NAB1: variants seen among roughly 807,000 people sequenced by gnomAD.
NAB1 encodes the protein NGFI-A binding protein 1.
In NAB1, 25 loss-of-function variants were observed where a neutral mutation model predicts 49.9. The observed-to-expected ratio is 0.50, with a 90% CI of 0.37 to 0.70. NAB1 has a LOEUF of 0.70. NAB1 is among the 30% of genes least tolerant of loss of function. The pLI, the probability that NAB1 is intolerant of heterozygous loss-of-function variation, is 0.00. For missense variants in NAB1, 489 were observed against 575.9 expected (o/e 0.85, Z 1.54); for synonymous variants, 198 against 215.6 (o/e 0.92, Z 0.71).
Position 190,659,785 on chromosome 2 carries a change from G to A in NAB1, c.609G>A (p.Val203=), listed in dbSNP as rs761837466. 9.3e-6 allele frequency: 15 copies of A among 1,614,122 alleles called. No homozygotes were observed. The East Asian group carries it at 2.9e-4, about 31-fold the overall frequency. ...CTGCGCTCTCTGTGGCTGAGTGTGT[G>A]GAGCGGATGGCCCCCACACTGCCAA... The part of the protein sequence containing the change: ...AAAALSVAEC[V]ERMAPTLPKS... Residue 203 remains valine, a synonymous_variant, in exon 4 of 10, where the codon GTG becomes GTA. Coordinates refer to ENST00000337386, the MANE Select transcript of NAB1 (RefSeq NM_005966.4). The surrounding 1 kb of genome is among the most constrained non-coding windows in gnomAD (Gnocchi z 6.2).
rs1454699754 is a variant in NAB1, at chr2:190,682,685, T to A, written c.1006-1053T>A. Among the ~76,000 whole-genome samples the A allele has an allele frequency of 2.0e-5, 3 of 152,158 alleles. No individual in the cohort carries two copies. ...ATTTCTCTAAACTTTATAGCAACAG[T>A]TGAAATCACAAAATAAAAGTATGTA... On this transcript the variant is annotated intron_variant, in intron 6 of 9. Transcript: ENST00000337386. The surrounding 1 kb of genome is among the most constrained non-coding windows in gnomAD (Gnocchi z 4.1).
intron 2 of NAB1, among the ~76,000 whole-genome samples, chr2:190,650,255 G>C (rs976633877): frequency 2.6e-5 from 4 of 152,182 alleles, no homozygotes; most frequent in African/African-American, 9.7e-5. Context: ...AAAATTTTGG[G>C]ATGGCTGTTA....
At chr2:190,656,211 G>A (rs993729725) in intron 3 of NAB1, 58 bp downstream of exon 3, 1 of 152,202 alleles carries the variant, frequency 6.6e-6, no homozygotes, top group Non-Finnish European at 1.5e-5. Flanking sequence ...TGTATATAAC[G>A]TGTTAAGGAC....
chr2:190,664,526 T>TTTCCTTCCTTCCTTCCTTCC (rs112074461), intron 4 of NAB1, among the ~76,000 whole-genome samples: 1 of 127,564 alleles, frequency 7.8e-6, no homozygotes. Context: ...TCTTTTCTTT[T>TTTCCTTCCTTCCTTCCTTCC]TTCCTTCCTT....
rs904871076 is a variant in NAB1, at chr2:190,657,042, C to CT, written c.-20+898dup. Among the ~76,000 whole-genome samples, 3 of 151,726 alleles carry CT rather than the reference C, an allele frequency of 2.0e-5. No homozygotes were observed. Among genetic ancestry groups the CT allele is most frequent in the Non-Finnish European group, 2.9e-5 (2 of 67,926 alleles). ...TATGTATATACACATTACACATGTACTTTTTTTTTCTGTATTGCGTTGAAA... is the reference window on the plus strand; with the variant it reads ...TATGTATATACACATTACACATGTACTTTTTTTTTTCTGTATTGCGTTGAAA... On this transcript the variant is annotated intron_variant, in intron 3 of 9. Transcript: ENST00000337386. This position sits in a 1 kb window ranked among gnomAD's most constrained non-coding sequence, Gnocchi z 4.4.
At position 190,663,712 on chromosome 2, in the gene NAB1, G is replaced by T. The variant is rs993481487; in HGVS notation, c.819+3717G>T. Among the ~76,000 whole-genome samples the T allele has an allele frequency of 6.6e-6, 1 of 152,082 alleles. No individual in the cohort carries two copies. Among genetic ancestry groups the T allele is most frequent in the Non-Finnish European group, 1.5e-5 (1 of 68,010 alleles). ...TGTTCTTATCTAACTTAATTTGGGT[G>T]CTTAGTTCATTAATTTTTAGTCATT... is the stretch of plus-strand genomic sequence containing the variant. On this transcript the variant is annotated intron_variant, in intron 4 of 9. Transcript: ENST00000337386. This position sits in a 1 kb window ranked among gnomAD's most constrained non-coding sequence, Gnocchi z 4.2.
In NAB1 at chr2:190,689,453, A is replaced by G. The variant is rs1695807626; in HGVS notation, c.1376-792A>G. On this transcript the variant is annotated intron_variant, in intron 9 of 9. Coordinates refer to ENST00000337386, the MANE Select transcript of NAB1 (RefSeq NM_005966.4). The surrounding 1 kb of genome is among the most constrained non-coding windows in gnomAD (Gnocchi z 4.3). ...ATAGAGAGGATTCATAAATTGAGCT[A>G]TTTAATTTCAGATAAGCTATTAGTA... Among the ~76,000 whole-genome samples the G allele has an allele frequency of 1.3e-5, 2 of 152,208 alleles. No individual in the cohort carries two copies. The highest frequency in any genetic ancestry group is 2.1e-4 in the South Asian group (1 of 4,832).
chr2:190,678,075 A>G lies in NAB1; in HGVS notation c.1005+4923A>G, dbSNP rs1695160767. Among the ~76,000 whole-genome samples the G allele has an allele frequency of 6.6e-6, 1 of 152,226 alleles. No homozygotes were observed. Among genetic ancestry groups the G allele is most frequent in the African/African-American group, 2.4e-5 (1 of 41,464 alleles). ...AAATTACAAAATATTTAAATATAAG[A>G]AATTTTCATTTGATATGCTGATTGT... On this transcript the variant is annotated intron_variant, in intron 6 of 9. Transcript: ENST00000337386. This position sits in a 1 kb window ranked among gnomAD's most constrained non-coding sequence, Gnocchi z 4.9.
intron 3 of NAB1, among the ~76,000 whole-genome samples, chr2:190,656,611 C>A (rs1258364195): frequency 6.6e-6 from 1 of 152,140 alleles, no homozygotes; most frequent in Admixed American, 6.5e-5. Flanking sequence ...CTTTCTTACC[C>A]ATGCAGAGGG....
rs1365054596 is a variant in NAB1 at position 190,678,966 on chromosome 2, A to C, written c.1006-4772A>C. 6.6e-6 allele frequency among the ~76,000 whole-genome samples: 1 copy of C among 152,236 alleles called. No homozygotes were observed. Among genetic ancestry groups the C allele is most frequent in the Non-Finnish European group, 1.5e-5 (1 of 68,036 alleles). On this transcript the variant is annotated intron_variant, in intron 6 of 9. Transcript: ENST00000337386. The surrounding 1 kb of genome is among the most constrained non-coding windows in gnomAD (Gnocchi z 4.9). ...TGTTCGGCAGAAAGGATGAGGAGGC[A>C]TGGGGATGGAGACCAATGGGATGAG...
rs776839538 is a variant in NAB1 at position 190,659,341 on chromosome 2, C to T, written c.165C>T (p.Leu55=). ...GEEEFLEIMA[L]VGMASKPLHV... Reference sequence around the variant, plus strand: ...AGGAGTTTTTGGAAATCATGGCACTCGTGGGCATGGCTAGCAAGCCCCTTC... The same window carrying T: ...AGGAGTTTTTGGAAATCATGGCACTTGTGGGCATGGCTAGCAAGCCCCTTC... The change falls in exon 4 of 10, where the codon CTC becomes CTT. Residue 55 remains leucine (L), a synonymous_variant. Transcript: ENST00000337386. This position sits in a 1 kb window ranked among gnomAD's most constrained non-coding sequence, Gnocchi z 6.2. 20 of 1,613,970 alleles carry T rather than the reference C, an allele frequency of 1.2e-5. No homozygotes were observed. Among genetic ancestry groups the T allele is most frequent in the Admixed American group, 1.7e-5 (1 of 60,002 alleles).
chr2:190,658,440 CAG>C (rs933497370), intron 3 of NAB1, among the ~76,000 whole-genome samples: 5 of 152,204 alleles, frequency 3.3e-5, no homozygotes, highest in African/African-American at 1.2e-4. Context: ...CCTTAAACCA[CAG>C]AGTGTCAATA....
rs184699078 is a variant in NAB1, at chr2:190,649,618, C to T, written c.-333-228C>T. On this transcript the variant is annotated intron_variant, in intron 1 of 9. Transcript: ENST00000337386. This position sits in a 1 kb window ranked among gnomAD's most constrained non-coding sequence, Gnocchi z 6.1. ...CGCGGCCCTGACTCGTGCATTTTCC[C>T]TCCGAGAAAGGTTGGGGTGCCGAGT... Among the ~76,000 whole-genome samples, 83 of 152,134 alleles carry T rather than the reference C, an allele frequency of 5.5e-4. 1 individual carries two copies. In the East Asian group the frequency reaches 0.015, roughly 28 times the overall value.
chr2:190,670,577 T>C lies in NAB1; in HGVS notation c.953+118T>C. The C allele has an allele frequency of 6.1e-6, 7 of 1,138,380 alleles. No individual in the cohort carries two copies. The highest frequency in any genetic ancestry group is 8.7e-6 in the Non-Finnish European group (7 of 806,312). 70.5% of individuals were successfully genotyped at this position (1,138,380 alleles called of 1,614,324 possible). ...AAAAGTGGAAGTATGATTATTGTTCTATGAAACTAAACAATGCAGTGATTT... is the reference window on the plus strand; with the variant it reads ...AAAAGTGGAAGTATGATTATTGTTCCATGAAACTAAACAATGCAGTGATTT... On this transcript the variant is annotated intron_variant, in intron 5 of 9. Transcript: ENST00000337386. This position sits in a 1 kb window ranked among gnomAD's most constrained non-coding sequence, Gnocchi z 5.3.
chr2:190,681,673 G>C (rs1695352641), intron 6 of NAB1, among the ~76,000 whole-genome samples: 1 of 152,122 alleles, frequency 6.6e-6, no homozygotes, highest in South Asian at 2.1e-4. Flanking sequence ...ATTAGCTCTT[G>C]GCTCTATATC....
intron 5 of NAB1, among the ~76,000 whole-genome samples, chr2:190,672,714 G>A (rs1444203009): frequency 4.6e-5 from 7 of 151,658 alleles, no homozygotes; most frequent in African/African-American, 1.2e-4. Context: ...AGTGGCTCAC[G>A]CCTGTAATCC....
rs1047118558 is a variant in NAB1, at chr2:190,652,201, A to G, written c.-197+2219A>G. ...GCTAAAACATGCCATTAAGCTTTCA[A>G]AGAGTTTGTCATTTCTCAATACATT... is the stretch of plus-strand genomic sequence containing the variant. On this transcript the variant is annotated intron_variant, in intron 2 of 9. Coordinates refer to ENST00000337386, the MANE Select transcript of NAB1 (RefSeq NM_005966.4). This position sits in a 1 kb window ranked among gnomAD's most constrained non-coding sequence, Gnocchi z 4.2. Among the ~76,000 whole-genome samples, 3 of 152,214 alleles carry G rather than the reference A, an allele frequency of 2.0e-5. No individual in the cohort carries two copies. Among genetic ancestry groups the G allele is most frequent in the African/African-American group, 7.2e-5 (3 of 41,460 alleles).
rs1403809126 is a variant in NAB1 at position 190,677,621 on chromosome 2, G to C, written c.1005+4469G>C. 1 of 152,100 alleles carries C rather than the reference G, an allele frequency of 6.6e-6. No individual in the cohort carries two copies. The highest frequency in any genetic ancestry group is 2.4e-5 in the African/African-American group (1 of 41,416). The allele number at this position is 152,100 out of a possible 1,614,324, so 9.4% of individuals were successfully genotyped here. ...ATTGTAAAAATCGCTACTTTGTATT[G>C]CTTTTATTTTGTGTCAGTCCCTACT... On this transcript the variant is annotated intron_variant, in intron 6 of 9. Coordinates refer to ENST00000337386, the MANE Select transcript of NAB1 (RefSeq NM_005966.4). This position sits in a 1 kb window ranked among gnomAD's most constrained non-coding sequence, Gnocchi z 5.6.
In NAB1 at chr2:190,660,007, G is replaced by A. The variant is rs372366249; in HGVS notation, c.819+12G>A. The A allele has an allele frequency of 1.2e-4, 187 of 1,599,040 alleles. No individual in the cohort carries two copies. The highest frequency in any genetic ancestry group is 3.4e-4 in the African/African-American group (25 of 74,614). ...TCACACTTCATGAGGTACAAAGCCC[G>A]CGTTGTTCCTTCTGTGTGTGTATGT... On this transcript the variant is annotated intron_variant, in intron 4 of 9. Transcript: ENST00000337386.
Sources: allele counts gnomAD v4.1 joint callset (sites outside exome capture counted in the v4.1 genomes callset), GRCh38; gene constraint gnomAD v4.1.1; non-coding constraint Gnocchi (gnomAD v3.1); transcripts MANE v1.5; gene names NCBI Gene and HGNC (gene_info 2026-07-23, HGNC 2026-07-21).